The following CCDC66 variants were observed in gnomAD, a reference collection of about 807,000 sequenced individuals.
The protein encoded by CCDC66 is coiled-coil domain containing 66.
CCDC66 carries 133 observed loss-of-function variants against 128.3 expected under a neutral mutation model. The observed-to-expected ratio is 1.04, with a 90% CI of 0.90 to 1.20. The LOEUF (loss-of-function observed/expected upper bound fraction) is 1.20, where lower values mean the gene tolerates loss of function less well. CCDC66 is among the 50% of genes most tolerant of loss of function. CCDC66 has a pLI of 0.00. For missense variants in CCDC66, 1,126 were observed against 1,075.5 expected (o/e 1.05, Z -0.66); for synonymous variants, 387 against 357.0 (o/e 1.08, Z -0.95).
chr3:56,576,414 T>A (rs544622841), intron 7 of CCDC66, among the ~76,000 whole-genome samples: 10 of 151,766 alleles, frequency 6.6e-5, no homozygotes, highest in African/African-American at 1.2e-4. Context: ...AATTTTTTTT[T>A]TTATTATTAT....
At chr3:56,567,087 T>C (rs55865922) in intron 6 of CCDC66, 34 bp downstream of exon 6, 85,546 of 1,514,038 alleles carry the variant, frequency 0.057, 5,286 homozygotes, top group East Asian at 0.3. Context: ...TATAGTTTTA[T>C]TGGCTTAAAG....
At chr3:56,581,703 A>G (rs571822627) in intron 7 of CCDC66, among the ~76,000 whole-genome samples, 2 of 151,958 alleles carry the variant, frequency 1.3e-5, no homozygotes, top group East Asian at 2.0e-4. Context: ...TTGCCTGGGT[A>G]TCACCAGCGG....
chr3:56,600,301 A>G (rs2072932064), intron 10 of CCDC66, among the ~76,000 whole-genome samples: 1 of 151,616 alleles, frequency 6.6e-6, no homozygotes, highest in Non-Finnish European at 1.5e-5. Flanking sequence ...GGTGCCCGCC[A>G]CCGTGCCTGG....
In CCDC66 at chr3:56,621,718, AT is replaced by A. The variant is rs1330006692; in HGVS notation, c.*107del. The A allele has an allele frequency of 4.3e-6, 3 of 702,688 alleles. No individual in the cohort carries two copies. Among genetic ancestry groups the A allele is most frequent in the Non-Finnish European group, 4.6e-6 (2 of 438,850 alleles). The allele number at this position is 702,688 out of a possible 1,614,324, so 43.5% of individuals were successfully genotyped here. ...TTTTTCAAATAGCCTAGATTTACTT[AT>A]TTTTTTAAATGCTCATTAAAAACTT... On this transcript the variant is annotated 3_prime_UTR_variant, in exon 18 of 18. Coordinates refer to ENST00000394672, the MANE Select transcript of CCDC66 (RefSeq NM_001141947.3).
Position 56,583,700 on chromosome 3 carries a change from T to C in CCDC66, c.937-9270T>C, listed in dbSNP as rs753754838. ...ATGGAGTCTCCTATGTCTACTTCTT[T>C]CTACACAGACACAGCAACAATCTGA... On this transcript the variant is annotated intron_variant, in intron 7 of 17. Transcript: ENST00000394672. Among the ~76,000 whole-genome samples, 24 of 152,050 alleles carry C rather than the reference T, an allele frequency of 1.6e-4. No individual in the cohort carries two copies. The South Asian group carries it at 4.1e-3, about 26-fold the overall frequency.
chr3:56,616,693 T>C (rs1219730098), intron 13 of CCDC66: 1 of 161,726 alleles, frequency 6.2e-6, no homozygotes, highest in East Asian at 1.8e-4. Flanking sequence ...TAACAGGTAC[T>C]GTATGTTTAG....
At position 56,619,396 on chromosome 3, in the gene CCDC66, AATT is replaced by A; in HGVS notation, c.2507_2509del (p.Leu836del). 2 of 1,613,932 alleles carry A rather than the reference AATT, an allele frequency of 1.2e-6. No homozygotes were observed. Among genetic ancestry groups the A allele is most frequent in the Non-Finnish European group, 1.7e-6 (2 of 1,179,920 alleles). On this transcript the variant is annotated inframe_deletion, in exon 16 of 18. Transcript: ENST00000394672. Reference sequence around the variant, plus strand: ...TTGATCTCAGGAAGTAATCAAACAGAATTATCATCTGGGATTTCTGAATCATCC... The same window carrying A: ...TTGATCTCAGGAAGTAATCAAACAGAATCATCTGGGATTTCTGAATCATCC...
intron 13 of CCDC66, chr3:56,616,448 C>G (rs1479134240): frequency 5.2e-6 from 1 of 192,296 alleles, no homozygotes; most frequent in Non-Finnish European, 1.1e-5. Context: ...TGGCTTCTTT[C>G]TCTCTTAGCA....
At chr3:56,567,371 C>G (rs933220640) in intron 6 of CCDC66, among the ~76,000 whole-genome samples, 3 of 151,974 alleles carry the variant, frequency 2.0e-5, no homozygotes, top group African/African-American at 7.3e-5. Flanking sequence ...GCTGGGCTAC[C>G]GAGCAAGACT....
At chr3:56,575,998 T>C (rs1016080282) in intron 7 of CCDC66, among the ~76,000 whole-genome samples, 1 of 151,782 alleles carries the variant, frequency 6.6e-6, no homozygotes, top group African/African-American at 2.4e-5. Flanking sequence ...AAGATTGTTT[T>C]GTCTATTCGT....
Position 56,619,792 on chromosome 3 carries a change from G to T in CCDC66, c.2651G>T (p.Arg884Leu), listed in dbSNP as rs146236480. The part of the protein sequence containing the change: ...YQNSQDCGQK[R>L]QLFDSDCVRD... ...CTGGCTTTAGACTGTGGCCAAAAAC[G>T]ACAGCTATTTGATTCTGACTGTGTC... Residue 884 changes from arginine (R) to leucine (L), a missense_variant, in exon 17 of 18, where the codon CGA becomes CTA. Transcript: ENST00000394672. 1.3e-4 allele frequency: 217 copies of T among 1,613,668 alleles called. No individual in the cohort carries two copies. The highest frequency in any genetic ancestry group is 1.7e-4 in the Non-Finnish European group (206 of 1,179,946).
intron 10 of CCDC66, among the ~76,000 whole-genome samples, chr3:56,604,185 G>C (rs2073704551): frequency 6.6e-6 from 1 of 151,998 alleles, no homozygotes; most frequent in Non-Finnish European, 1.5e-5. Flanking sequence ...CGTGTGAGAT[G>C]GGTCTCCTGA....
rs142963642 is a variant in CCDC66, at chr3:56,567,873, G to A, written c.814+820G>A. Among the ~76,000 whole-genome samples the A allele has an allele frequency of 7.2e-3, 1,089 of 152,114 alleles. 15 individuals are homozygous for A. Among genetic ancestry groups the A allele is most frequent in the African/African-American group, 0.025 (1,034 of 41,470 alleles). On this transcript the variant is annotated intron_variant, in intron 6 of 17. Transcript: ENST00000394672. Reference sequence around the variant, plus strand: ...CCCGGCTAATTTTTTTGTATTTTTAGTAGAGACGGGGTTTCACTGTGTTAG... The same window carrying A: ...CCCGGCTAATTTTTTTGTATTTTTAATAGAGACGGGGTTTCACTGTGTTAG...
chr3:56,587,401 A>C (rs2106832404), intron 7 of CCDC66, among the ~76,000 whole-genome samples: 1 of 152,062 alleles, frequency 6.6e-6, no homozygotes, highest in East Asian at 2.0e-4. Context: ...TACAGAAAGC[A>C]TAGTGGCTTC....
chr3:56,605,997 C>T (rs1403078478), intron 10 of CCDC66, among the ~76,000 whole-genome samples: 1 of 152,084 alleles, frequency 6.6e-6, no homozygotes, highest in Non-Finnish European at 1.5e-5. Context: ...GAGAGGCAAT[C>T]TGGCCACAGC....
intron 7 of CCDC66, among the ~76,000 whole-genome samples, chr3:56,584,259 G>A (rs1474764864): frequency 4.0e-3 from 94 of 23,636 alleles, no homozygotes; most frequent in Non-Finnish European, 6.4e-3. Context: ...CTCAGACGGG[G>A]CGGCTGCCGG....
intron 6 of CCDC66, 28 bp from the exon 7 acceptor site, chr3:56,571,153 A>T: frequency 1.4e-6 from 2 of 1,454,750 alleles, no homozygotes; most frequent in Non-Finnish European, 1.9e-6. Flanking sequence ...GTTTTTGTAC[A>T]TTTTTTTAAA....
chr3:56,563,877 G>A lies in CCDC66; in HGVS notation c.296G>A (p.Cys99Tyr), dbSNP rs777821191. 2 of 1,606,444 alleles carry A rather than the reference G, an allele frequency of 1.2e-6. No individual in the cohort carries two copies. The highest frequency in any genetic ancestry group is 1.7e-6 in the Non-Finnish European group (2 of 1,175,458). Residue 99 changes from cysteine to tyrosine, a missense_variant, in exon 4 of 18, where the codon TGT (cysteine) becomes TAT (tyrosine). Cys to Tyr is a radical substitution (Grantham distance 194). Transcript: ENST00000394672. ...FSSTKDLCKQ[C>Y]IDKDCLHIQK... ...TCCACTAAGGATTTATGTAAACAATGTATAGATAAAGACTGTCTTCATATC... is the reference window on the plus strand; with the variant it reads ...TCCACTAAGGATTTATGTAAACAATATATAGATAAAGACTGTCTTCATATC...
At chr3:56,585,737 A>G (rs1436596531) in intron 7 of CCDC66, among the ~76,000 whole-genome samples, 3 of 151,892 alleles carry the variant, frequency 2.0e-5, no homozygotes, top group African/African-American at 4.8e-5. Context: ...AAAATATTTA[A>G]TGCCTAGACA....
Sources: gnomAD v4.1 joint callset for allele counts (sites outside exome capture counted in the v4.1 genomes callset) on GRCh38, gnomAD v4.1.1 for gene constraint, MANE v1.5 for transcripts, NCBI Gene and HGNC (gene_info 2026-07-23, HGNC 2026-07-21) for gene names.